TENT4B: variants seen among roughly 807,000 people sequenced by gnomAD.
TENT4B encodes the protein PAP associated domain containing 5.
TENT4B carries 10 observed loss-of-function variants against 75.0 expected under a neutral mutation model. The ratio of observed to expected loss-of-function variants is 0.13; its 90% CI spans 0.08 to 0.23. The LOEUF is 0.23. Ranked by LOEUF, TENT4B falls within the 10% of genes least tolerant of loss-of-function variation. The probability of loss-of-function intolerance (pLI) is 1.00; values close to 1 mark genes in which losing one functional copy is unlikely to be tolerated. For synonymous variants in TENT4B, 350 were observed against 357.7 expected, an observed-to-expected ratio of 0.98 and a Z score of 0.24; for missense variants, 579 against 893.8, an observed-to-expected ratio of 0.65 and a Z score of 4.49.
chr16:50,153,040 G>T (rs1425772171), upstream of TENT4B: 3 of 1,510,836 alleles, frequency 2.0e-6, no homozygotes, highest in Non-Finnish European at 2.6e-6. Flanking sequence ...CAGGTACGTG[G>T]GAGCACTCCA....
At chr16:50,196,505 TCATCATCATCATC>T (rs1165195397) in intron 1 of TENT4B, among the ~76,000 whole-genome samples, 1 of 146,024 alleles carries the variant, frequency 6.8e-6, no homozygotes, top group East Asian at 1.9e-4. Context: ...ATCATCATCA[TCATCATCATCATC>T]ATCATCATCT....
Position 50,222,448 on chromosome 16 carries a change from G to C in TENT4B, c.1167+14G>C. The C allele has an allele frequency of 6.2e-7, 1 of 1,611,888 alleles. No individual in the cohort carries two copies. The highest frequency in any genetic ancestry group is 2.2e-5 in the East Asian group (1 of 44,732). ...AGTTTCCTTCAGGTAAGTCATATGGGTATAGCATGCTAGTGCACACTAAAA... is the reference window on the plus strand; with the variant it reads ...AGTTTCCTTCAGGTAAGTCATATGGCTATAGCATGCTAGTGCACACTAAAA... On this transcript the variant is annotated intron_variant, in intron 6 of 11. Coordinates refer to ENST00000561678, the MANE Select transcript of TENT4B (RefSeq NM_001365324.3).
intron 1 of TENT4B, among the ~76,000 whole-genome samples, chr16:50,208,925 G>A (rs2031131785): frequency 6.6e-6 from 1 of 152,132 alleles, no homozygotes; most frequent in Non-Finnish European, 1.5e-5. Context: ...TAGAGATGGG[G>A]TTTTGCGTGT....
intron 1 of TENT4B, among the ~76,000 whole-genome samples, chr16:50,181,592 A>C (rs2038418107): frequency 6.6e-6 from 1 of 151,384 alleles, no homozygotes; most frequent in Admixed American, 6.6e-5. Flanking sequence ...GGTGTGAGCC[A>C]CCATGCCCAG....
intron 1 of TENT4B, among the ~76,000 whole-genome samples, chr16:50,199,217 C>T (rs1431747809): frequency 6.6e-6 from 1 of 152,238 alleles, no homozygotes; most frequent in Non-Finnish European, 1.5e-5. Flanking sequence ...GTGCTGGGGC[C>T]ATGTGCCCAT....
In TENT4B at chr16:50,231,908, C is replaced by G. The variant is rs978636310; in HGVS notation, c.*2580C>G. Reference sequence around the variant, plus strand: ...TTTCTTTTTTGAGTTTTAATACTTCCTATATTTTGTGAATATATCAGAAAT... The same window carrying G: ...TTTCTTTTTTGAGTTTTAATACTTCGTATATTTTGTGAATATATCAGAAAT... On this transcript the variant is annotated 3_prime_UTR_variant, in exon 12 of 12. Transcript: ENST00000561678. 2.0e-6 allele frequency: 2 copies of G among 977,178 alleles called. No homozygotes were observed. Among genetic ancestry groups the G allele is most frequent in the Non-Finnish European group, 2.4e-6 (2 of 822,566 alleles). 60.5% of individuals were successfully genotyped at this position (977,178 alleles called of 1,614,324 possible).
At position 50,223,347 on chromosome 16, in the gene TENT4B, C is replaced by T. The variant is rs1369712273; in HGVS notation, c.1341C>T (p.Tyr447=). ...TACAGAAAAATATGCTAGATGGCTA[C>T]AGGCCATCAATGCTTTATATCGAAG... ...DEVQKNMLDG[Y]RPSMLYIEDP... The change falls in exon 7 of 12, where the codon TAC becomes TAT. Residue 447 remains tyrosine (Y), a synonymous_variant. Coordinates refer to ENST00000561678, the MANE Select transcript of TENT4B (RefSeq NM_001365324.3). The T allele has an allele frequency of 6.2e-7, 1 of 1,613,320 alleles. No homozygotes were observed. The highest frequency in any genetic ancestry group is 8.5e-7 in the Non-Finnish European group (1 of 1,179,488).
intron 1 of TENT4B, among the ~76,000 whole-genome samples, chr16:50,172,649 T>C (rs541962682): frequency 1.3e-5 from 2 of 152,116 alleles, no homozygotes; most frequent in Non-Finnish European, 2.9e-5. Context: ...AGCCAAATAT[T>C]GATACATTAC....
At chr16:50,203,251 CTT>C (rs939431666) in intron 1 of TENT4B, among the ~76,000 whole-genome samples, 6 of 152,020 alleles carry the variant, frequency 3.9e-5, no homozygotes, top group Non-Finnish European at 5.9e-5. Context: ...TATTTTCTCT[CTT>C]GTTTTTTTTA....
intron 5 of TENT4B, among the ~76,000 whole-genome samples, chr16:50,219,195 T>C (rs1045164800): frequency 6.6e-6 from 1 of 152,206 alleles, no homozygotes; most frequent in Non-Finnish European, 1.5e-5. Flanking sequence ...AAAGAGACAG[T>C]GTAAAGTGAG....
chr16:50,197,542 G>A (rs1485493967), intron 1 of TENT4B, among the ~76,000 whole-genome samples: 2 of 152,192 alleles, frequency 1.3e-5, no homozygotes, highest in Non-Finnish European at 2.9e-5. Context: ...GCCTGCCTGG[G>A]CCTCTGAAAG....
At chr16:50,176,008 C>T (rs1467568141) in intron 1 of TENT4B, among the ~76,000 whole-genome samples, 6 of 151,914 alleles carry the variant, frequency 3.9e-5, no homozygotes, top group Non-Finnish European at 8.8e-5. Context: ...GTCTTGAACT[C>T]CTGGGCTGAA....
At chr16:50,195,372 C>G (rs960468489) in intron 1 of TENT4B, among the ~76,000 whole-genome samples, 1 of 152,162 alleles carries the variant, frequency 6.6e-6, no homozygotes, top group African/African-American at 2.4e-5. Flanking sequence ...GAACTTGATT[C>G]TTTTGGAGAA....
At chr16:50,223,640 C>G (rs2031923260) in intron 7 of TENT4B, among the ~76,000 whole-genome samples, 1 of 152,154 alleles carries the variant, frequency 6.6e-6, no homozygotes. Flanking sequence ...AAGGCATTCA[C>G]TTATTTGGAT....
chr16:50,185,998 AT>A (rs1326898457), intron 1 of TENT4B, among the ~76,000 whole-genome samples: 1 of 152,174 alleles, frequency 6.6e-6, no homozygotes, highest in Non-Finnish European at 1.5e-5. Context: ...TGCACAAAAC[AT>A]TTTTATAGAT....
intron 5 of TENT4B, among the ~76,000 whole-genome samples, chr16:50,219,970 A>G (rs960765490): frequency 1.3e-4 from 17 of 135,240 alleles, no homozygotes; most frequent in African/African-American, 4.8e-4. Flanking sequence ...CTTGCCCACC[A>G]CACCTGGCTA....
At chr16:50,211,089 A>G (rs2031253462) in intron 1 of TENT4B, among the ~76,000 whole-genome samples, 1 of 152,098 alleles carries the variant, frequency 6.6e-6, no homozygotes, top group South Asian at 2.1e-4. Flanking sequence ...TATTTTATTT[A>G]AATCACCAGC....
Position 50,230,064 on chromosome 16 carries a change from A to G in TENT4B, c.*736A>G, listed in dbSNP as rs1377780557. 1.0e-6 allele frequency: 1 copy of G among 984,632 alleles called. No homozygotes were observed. The highest frequency in any genetic ancestry group is 1.8e-5 in the African/African-American group (1 of 56,978). The allele number at this position is 984,632 out of a possible 1,614,324, so 61.0% of individuals were successfully genotyped here. On this transcript the variant is annotated 3_prime_UTR_variant, in exon 12 of 12. Coordinates refer to ENST00000561678, the MANE Select transcript of TENT4B (RefSeq NM_001365324.3). ...AGAACCCTTGTGTCCTGCTGCAAAA[A>G]TTTTTCCTCTCTAAAGAAAAGGTTT...
At chr16:50,216,500 CG>C (rs1162419309) in intron 4 of TENT4B, among the ~76,000 whole-genome samples, 2 of 152,104 alleles carry the variant, frequency 1.3e-5, no homozygotes, top group East Asian at 3.9e-4. Context: ...TTTGTAGAGA[CG>C]GGGTTTCACC....
Sources: allele counts gnomAD v4.1 joint callset (sites outside exome capture counted in the v4.1 genomes callset), GRCh38; gene constraint gnomAD v4.1.1; transcripts MANE v1.5; gene names NCBI Gene and HGNC (gene_info 2026-07-23, HGNC 2026-07-21).